Variants in PALD1 observed in about 807,000 individuals in gnomAD.
The protein encoded by PALD1 is phosphatase domain containing paladin 1, also known as paladin.
In PALD1, 57 loss-of-function variants were observed where a neutral mutation model predicts 96.0. The observed-to-expected ratio is 0.59, with a 90% CI of 0.48 to 0.74. PALD1 has a LOEUF of 0.74. Among genes scored for constraint, PALD1 ranks in the 30% least tolerant of loss-of-function variants. PALD1 has a pLI of 0.00. For synonymous variants in PALD1, 464 were observed against 473.6 expected, an observed-to-expected ratio of 0.98 and a Z score of 0.26; for missense variants, 1,063 against 1,143.7, an observed-to-expected ratio of 0.93 and a Z score of 1.02.
At chr10:70,476,720 T>G (rs973113109), upstream of PALD1, among the ~76,000 whole-genome samples, 9 of 152,048 alleles carry the variant, frequency 5.9e-5, no homozygotes. Flanking sequence ...CTACTGTGTG[T>G]GTGGTGAGTA....
intron 10 of PALD1, among the ~76,000 whole-genome samples, chr10:70,536,635 G>A (rs567391270): frequency 5.3e-5 from 8 of 152,162 alleles, no homozygotes; most frequent in South Asian, 2.1e-4. Context: ...GCTGGCCCAC[G>A]ACTGCTCTTA....
chr10:70,529,320 T>C lies in PALD1; in HGVS notation c.277T>C (p.Tyr93His). Residue 93 changes from tyrosine to histidine, a missense_variant, in exon 3 of 20, where the codon TAC becomes CAC. Physicochemically the swap from Tyr to His is moderately conservative, Grantham distance 83. Transcript: ENST00000263563. ...GRLSDNTPEH[Y>H]LVQGRYFLVR... is the part of the protein sequence containing the mutation. Reference sequence around the variant, plus strand: ...GCTCTCGGACAACACCCCTGAGCACTACCTGGTGCAAGTGAGCTCAGGCCT... The same window carrying C: ...GCTCTCGGACAACACCCCTGAGCACCACCTGGTGCAAGTGAGCTCAGGCCT... 1.3e-6 allele frequency: 2 copies of C among 1,544,782 alleles called. No individual in the cohort carries two copies. Among genetic ancestry groups the C allele is most frequent in the Non-Finnish European group, 1.8e-6 (2 of 1,130,978 alleles).
chr10:70,498,947 A>G (rs748220994), intron 1 of PALD1, among the ~76,000 whole-genome samples: 17 of 151,526 alleles, frequency 1.1e-4, no homozygotes, highest in South Asian at 2.1e-4. Flanking sequence ...AAAAAAAGGT[A>G]TCATACGTCT....
At chr10:70,482,248 G>A (rs905850811) in intron 1 of PALD1, among the ~76,000 whole-genome samples, 4 of 152,150 alleles carry the variant, frequency 2.6e-5, no homozygotes, top group African/African-American at 9.7e-5. Flanking sequence ...CTCCATACAC[G>A]GGGTCAGGAA....
the PALD1 span, among the ~76,000 whole-genome samples, chr10:70,471,890 G>A: frequency 6.6e-6 from 1 of 152,198 alleles, no homozygotes; most frequent in Admixed American, 6.5e-5. Context: ...GTGAGGGTTG[G>A]CACTGAGCCT....
At chr10:70,521,953 T>C (rs1846745240) in intron 1 of PALD1, among the ~76,000 whole-genome samples, 1 of 152,182 alleles carries the variant, frequency 6.6e-6, no homozygotes, top group Non-Finnish European at 1.5e-5. Flanking sequence ...TTGAGAGAAC[T>C]GTCAAAATAC....
intron 17 of PALD1, among the ~76,000 whole-genome samples, chr10:70,545,257 C>A (rs1339550664): frequency 2.0e-5 from 3 of 152,104 alleles, no homozygotes; most frequent in African/African-American, 7.2e-5. Flanking sequence ...AGCCTTTAGA[C>A]CCCAGTTTCT....
chr10:70,518,051 G>A (rs1846652958), intron 1 of PALD1, among the ~76,000 whole-genome samples: 1 of 152,032 alleles, frequency 6.6e-6, no homozygotes, highest in African/African-American at 2.4e-5. Context: ...TTACAGGCAT[G>A]CGCCATCACG....
At chr10:70,566,091 A>G (rs1403804197) in intron 19 of PALD1, among the ~76,000 whole-genome samples, 1 of 151,858 alleles carries the variant, frequency 6.6e-6, no homozygotes, top group East Asian at 1.9e-4. Flanking sequence ...GATGGTGGAG[A>G]GAGAAGGGGA....
chr10:70,532,865 G>A (rs1847024514), intron 6 of PALD1, 84 bp downstream of exon 6: 3 of 1,535,840 alleles, frequency 2.0e-6, no homozygotes, highest in Non-Finnish European at 2.7e-6. Flanking sequence ...CCATCTGCAG[G>A]TTGGGCGGAG....
chr10:70,522,558 G>T (rs190304365), intron 1 of PALD1, among the ~76,000 whole-genome samples: 1 of 152,176 alleles, frequency 6.6e-6, no homozygotes, highest in Non-Finnish European at 1.5e-5. Context: ...TGTGAGCTCC[G>T]TGGGCACTGC....
Position 70,564,509 on chromosome 10 carries a change from G to A in PALD1, c.2408G>A (p.Trp803Ter). Residue 803 changes from tryptophan (W) to a stop codon, truncating the protein, a stop_gained, in exon 19 of 20, where the codon TGG (tryptophan) becomes TAG (stop). Coordinates refer to ENST00000263563, the MANE Select transcript of PALD1 (RefSeq NM_014431.3). LOFTEE classifies it high-confidence loss of function. ...ADSWQRPFST[W>*]MQEVASKAGI... is the part of the protein sequence containing the mutation. Reference sequence around the variant, plus strand: ...TCCTGGCAGAGGCCCTTCAGCACCTGGATGCAGGAGGTGAGGGGAGGCTGA... The same window carrying A: ...TCCTGGCAGAGGCCCTTCAGCACCTAGATGCAGGAGGTGAGGGGAGGCTGA... 6.2e-7 allele frequency: 1 copy of A among 1,613,672 alleles called. No individual in the cohort carries two copies. The highest frequency in any genetic ancestry group is 8.5e-7 in the Non-Finnish European group (1 of 1,179,864).
At chr10:70,472,087 G>A in the PALD1 span, among the ~76,000 whole-genome samples, 1 of 152,124 alleles carries the variant, frequency 6.6e-6, no homozygotes. Flanking sequence ...CTTGGAGCTC[G>A]TCACACGAAA....
chr10:70,468,746 G>GTT, the PALD1 span, among the ~76,000 whole-genome samples: 4 of 147,310 alleles, frequency 2.7e-5, no homozygotes, highest in African/African-American at 1.0e-4. Context: ...GTGTGTGTGT[G>GTT]TGTGTTTTGA....
At chr10:70,542,021 C>T (rs1028090603) in intron 17 of PALD1, among the ~76,000 whole-genome samples, 4 of 152,240 alleles carry the variant, frequency 2.6e-5, no homozygotes, top group Admixed American at 2.6e-4. Flanking sequence ...GCCATCTTCT[C>T]AGGCATCCCG....
intron 1 of PALD1, among the ~76,000 whole-genome samples, chr10:70,517,368 G>C (rs1846641840): frequency 6.8e-6 from 1 of 146,534 alleles, no homozygotes; most frequent in Non-Finnish European, 1.5e-5. Context: ...TTGAGATGGA[G>C]TCTTGCTCTG....
intron 1 of PALD1, among the ~76,000 whole-genome samples, chr10:70,525,715 A>G (rs978909928): frequency 1.3e-5 from 2 of 152,078 alleles, no homozygotes; most frequent in African/African-American, 4.8e-5. Flanking sequence ...TGACTCCCCC[A>G]AAGCATCGGT....
intron 1 of PALD1, among the ~76,000 whole-genome samples, chr10:70,480,989 C>T (rs1313334974): frequency 2.0e-5 from 3 of 152,182 alleles, no homozygotes; most frequent in South Asian, 2.1e-4. Flanking sequence ...AACCCATCAG[C>T]GTGGGCCACG....
intron 18 of PALD1, among the ~76,000 whole-genome samples, chr10:70,552,419 C>T (rs192505649): frequency 6.6e-6 from 1 of 152,246 alleles, no homozygotes; most frequent in African/African-American, 2.4e-5. Context: ...AAAGCTGATA[C>T]TTAGAAGTAG....
Sources: gnomAD v4.1 joint callset for allele counts (sites outside exome capture counted in the v4.1 genomes callset) on GRCh38, gnomAD v4.1.1 for gene constraint, MANE v1.5 for transcripts, NCBI Gene and HGNC (gene_info 2026-07-23, HGNC 2026-07-21) for gene names.